PLA2G4A: variants seen among roughly 807,000 people sequenced by gnomAD.
The protein encoded by PLA2G4A is cytosolic phospholipase A2.
In PLA2G4A, 40 loss-of-function variants were observed where a neutral mutation model predicts 81.9. That is an observed-to-expected ratio of 0.49 (90% confidence interval 0.38 to 0.64). The LOEUF (loss-of-function observed/expected upper bound fraction) is 0.64, where lower values mean the gene tolerates loss of function less well. Ranked by LOEUF, PLA2G4A falls within the 30% of genes least tolerant of loss-of-function variation. The pLI is 0.00. For missense variants in PLA2G4A, 715 were observed against 905.1 expected, an observed-to-expected ratio of 0.79 and a Z score of 2.69; for synonymous variants, 302 against 296.9, an observed-to-expected ratio of 1.02 and a Z score of -0.18.
chr1:186,843,938 G>A (rs1247067185), intron 1 of PLA2G4A, among the ~76,000 whole-genome samples: 1 of 152,172 alleles, frequency 6.6e-6, no homozygotes, highest in Non-Finnish European at 1.5e-5. Context: ...TAATTATAAT[G>A]AGATTTGAAG....
At chr1:186,934,554 A>G (rs1655874235) in intron 8 of PLA2G4A, among the ~76,000 whole-genome samples, 1 of 151,356 alleles carries the variant, frequency 6.6e-6, no homozygotes, top group African/African-American at 2.4e-5. Flanking sequence ...AAATGTGCAC[A>G]CACACACATA....
chr1:186,844,618 G>A (rs1652105317), intron 1 of PLA2G4A, among the ~76,000 whole-genome samples: 1 of 152,104 alleles, frequency 6.6e-6, no homozygotes, highest in African/African-American at 2.4e-5. Context: ...GGGTCAAATG[G>A]TATTTCTAGT....
At chr1:186,833,169 G>A (rs530344951) in intron 1 of PLA2G4A, among the ~76,000 whole-genome samples, 1 of 152,182 alleles carries the variant, frequency 6.6e-6, no homozygotes, top group East Asian at 1.9e-4. Flanking sequence ...ACTTTGGCAG[G>A]CTTGAGCCCA....
chr1:186,858,724 A>T (rs1303291783), intron 2 of PLA2G4A, among the ~76,000 whole-genome samples: 3 of 152,110 alleles, frequency 2.0e-5, no homozygotes, highest in African/African-American at 7.2e-5. Context: ...ATATTATACC[A>T]TATTACAAAA....
At chr1:186,884,892 CAAA>C (rs59150767) in intron 3 of PLA2G4A, among the ~76,000 whole-genome samples, 69 of 133,678 alleles carry the variant, frequency 5.2e-4, no homozygotes, top group Admixed American at 6.0e-4. Flanking sequence ...ATCCTGTCTT[CAAA>C]AAAAAAAAAA....
intron 17 of PLA2G4A, among the ~76,000 whole-genome samples, chr1:186,982,194 C>T (rs1359162495): frequency 6.6e-6 from 1 of 152,196 alleles, no homozygotes; most frequent in Non-Finnish European, 1.5e-5. Flanking sequence ...GCAATCTTTC[C>T]TGTATCTCCA....
intron 15 of PLA2G4A, among the ~76,000 whole-genome samples, chr1:186,968,527 G>T (rs1657218990): frequency 6.7e-6 from 1 of 149,264 alleles, no homozygotes; most frequent in South Asian, 2.1e-4. Context: ...AAATATTTAA[G>T]AAAACAATTA....
intron 2 of PLA2G4A, among the ~76,000 whole-genome samples, chr1:186,863,787 G>A (rs1394174447): frequency 1.3e-5 from 2 of 148,588 alleles, no homozygotes; most frequent in African/African-American, 2.5e-5. Flanking sequence ...TGGGGACAGA[G>A]TCTCCCTCTT....
At chr1:186,983,202 T>C (rs965641542) in intron 17 of PLA2G4A, among the ~76,000 whole-genome samples, 11 of 152,172 alleles carry the variant, frequency 7.2e-5, no homozygotes, top group Non-Finnish European at 2.9e-5. Context: ...AACTCTCTCA[T>C]TCCCACACCA....
At position 186,983,786 on chromosome 1, in the gene PLA2G4A, A is replaced by T. The variant is rs1316688828; in HGVS notation, c.2118+4314A>T. Among the ~76,000 whole-genome samples the T allele has an allele frequency of 4.6e-5, 7 of 151,932 alleles. No homozygotes were observed. The East Asian group carries it at 1.4e-3, about 29-fold the overall frequency. ...CGGGGGTGGGATGCAGAGGCATTGG[A>T]GTCTGACCAAATTGGGTATTCAAAT... On this transcript the variant is annotated intron_variant, in intron 17 of 17. Transcript: ENST00000367466.
At chr1:186,839,991 T>C (rs1415831361) in intron 1 of PLA2G4A, among the ~76,000 whole-genome samples, 1 of 118,436 alleles carries the variant, frequency 8.4e-6, no homozygotes, top group Non-Finnish European at 1.7e-5. Context: ...TTTTTTTTTT[T>C]TTGAGATGGA....
intron 1 of PLA2G4A, among the ~76,000 whole-genome samples, chr1:186,844,412 T>C (rs957616253): frequency 6.6e-6 from 1 of 152,206 alleles, no homozygotes; most frequent in African/African-American, 2.4e-5. Context: ...GATGGAAACA[T>C]AGTAATATAA....
At chr1:186,901,093 A>G (rs561015412) in intron 5 of PLA2G4A, among the ~76,000 whole-genome samples, 94 of 152,270 alleles carry the variant, frequency 6.2e-4, no homozygotes, top group African/African-American at 2.2e-3. Flanking sequence ...AAAGAGGGCA[A>G]TTTACGTAAG....
At position 186,979,431 on chromosome 1, in the gene PLA2G4A, C is replaced by A; in HGVS notation, c.2077C>A (p.Leu693Ile). Residue 693 changes from leucine to isoleucine, a missense_variant, in exon 17 of 18, where the codon CTA becomes ATA. Leu to Ile is a conservative substitution (Grantham distance 5). Coordinates refer to ENST00000367466, the MANE Select transcript of PLA2G4A (RefSeq NM_024420.3). ...ATATCCAAATCAAGCATTCAAAAGA[C>A]TACATGATCTTATGCACTTCAATAC... ...FQYPNQAFKR[L>I]HDLMHFNTLN... 1 of 1,599,754 alleles carries A rather than the reference C, an allele frequency of 6.3e-7. No homozygotes were observed. Among genetic ancestry groups the A allele is most frequent in the Non-Finnish European group, 8.6e-7 (1 of 1,166,856 alleles).
intron 5 of PLA2G4A, among the ~76,000 whole-genome samples, chr1:186,902,065 T>G (rs1407232790): frequency 6.6e-6 from 1 of 152,214 alleles, no homozygotes; most frequent in Non-Finnish European, 1.5e-5. Context: ...GCTATACACC[T>G]AGGCTATATG....
At chr1:186,962,378 T>A (rs1656979663) in intron 14 of PLA2G4A, among the ~76,000 whole-genome samples, 1 of 152,120 alleles carries the variant, frequency 6.6e-6, no homozygotes, top group Admixed American at 6.6e-5. Context: ...CTCCCATTAT[T>A]GTGTTTTTAA....
In PLA2G4A at chr1:186,988,589, C is replaced by CGACTATCTGTACTGTACTTTT; in HGVS notation, c.*81_*82insGACTATCTGTACTGTACTTTT. The CGACTATCTGTACTGTACTTTT allele has an allele frequency of 8.1e-7, 1 of 1,236,762 alleles. No homozygotes were observed. The highest frequency in any genetic ancestry group is 1.2e-6 in the Non-Finnish European group (1 of 845,148). The allele number at this position is 1,236,762 out of a possible 1,614,324, so 76.6% of individuals were successfully genotyped here. A position where few individuals can be genotyped will look rare whatever the true frequency, so the allele number is the denominator to read the frequency against. ...GACAACTGGATTTAAAAGTACAGTACAGATAGTCGTACTGATCATGAGAGA... is the reference window on the plus strand; with the variant it reads ...GACAACTGGATTTAAAAGTACAGTACGACTATCTGTACTGTACTTTTAGATAGTCGTACTGATCATGAGAGA... On this transcript the variant is annotated 3_prime_UTR_variant, in exon 18 of 18. Coordinates refer to ENST00000367466, the MANE Select transcript of PLA2G4A (RefSeq NM_024420.3).
intron 14 of PLA2G4A, among the ~76,000 whole-genome samples, chr1:186,958,424 TAGA>T (rs1233460797): frequency 6.6e-6 from 1 of 152,204 alleles, no homozygotes; most frequent in Non-Finnish European, 1.5e-5. Context: ...ATGTCTCTTC[TAGA>T]AACGTATGCT....
chr1:186,919,499 C>A (rs559722518), intron 7 of PLA2G4A, among the ~76,000 whole-genome samples: 2 of 152,158 alleles, frequency 1.3e-5, no homozygotes, highest in Non-Finnish European at 2.9e-5. Flanking sequence ...AGTGTCCCAG[C>A]AGAAGGTCGT....
Sources: gnomAD v4.1 joint callset for allele counts (sites outside exome capture counted in the v4.1 genomes callset) on GRCh38, gnomAD v4.1.1 for gene constraint, MANE v1.5 for transcripts, NCBI Gene and HGNC (gene_info 2026-07-23, HGNC 2026-07-21) for gene names.